CABIN1: variants seen among roughly 807,000 people sequenced by gnomAD.
CABIN1 encodes the protein calcineurin-binding protein cabin-1.
Under a neutral mutation model 227.7 loss-of-function variants are expected in CABIN1, and 133 were observed. The observed-to-expected ratio is 0.58, with a 90% confidence interval of 0.51 to 0.67. CABIN1 has a LOEUF of 0.67. CABIN1 is among the 30% of genes least tolerant of loss of function. The pLI, the probability that CABIN1 is intolerant of heterozygous loss-of-function variation, is 0.00. For missense variants in CABIN1, 2,408 were observed against 2,852.5 expected (o/e 0.84, Z 3.55); for synonymous variants, 1,086 against 1,155.1 (o/e 0.94, Z 1.21).
At chr22:24,115,166 C>T (rs985196070) in intron 27 of CABIN1, among the ~76,000 whole-genome samples, 7 of 152,158 alleles carry the variant, frequency 4.6e-5, no homozygotes, top group Non-Finnish European at 1.0e-4. Flanking sequence ...ACCATGTGTG[C>T]TCTGTGGCCT....
intron 8 of CABIN1, among the ~76,000 whole-genome samples, chr22:24,053,606 T>A (rs775211907): frequency 6.6e-6 from 1 of 152,074 alleles, no homozygotes; most frequent in Non-Finnish European, 1.5e-5. Flanking sequence ...CTCGAACTCC[T>A]GACCTTAGGT....
At chr22:24,109,605 C>G (rs1212686408) in intron 26 of CABIN1, among the ~76,000 whole-genome samples, 1 of 152,126 alleles carries the variant, frequency 6.6e-6, no homozygotes, top group Non-Finnish European at 1.5e-5. Context: ...AAACATGGAC[C>G]AATACCAGGC....
chr22:24,091,837 C>T lies in CABIN1; in HGVS notation c.3780C>T (p.Ala1260=). Residue 1260 remains alanine (A), a synonymous_variant, in exon 24 of 37, where the codon GCC becomes GCT. Transcript: ENST00000263119. ...ACCCACCTGAGCTGGCCATGGAGGC[C>T]CTGGAGGTGACACCATGCTGGCCCA... ...YHNPPELAME[A]LEVYFRLHAS... The T allele has an allele frequency of 3.7e-6, 6 of 1,613,312 alleles. No homozygotes were observed. The highest frequency in any genetic ancestry group is 5.1e-6 in the Non-Finnish European group (6 of 1,179,566).
At chr22:24,156,653 G>C (rs1379111517) in intron 29 of CABIN1, 1 of 152,424 alleles carries the variant, frequency 6.6e-6, no homozygotes, top group Non-Finnish European at 1.5e-5. Flanking sequence ...TGCTGTGCGG[G>C]GACAGGAAGA....
At chr22:24,163,894 A>T (rs1349629340) in intron 29 of CABIN1, among the ~76,000 whole-genome samples, 5 of 152,208 alleles carry the variant, frequency 3.3e-5, no homozygotes, top group Admixed American at 3.3e-4. Flanking sequence ...GGGAAGAGGG[A>T]GGGGGACCCC....
At position 24,133,477 on chromosome 22, in the gene CABIN1, C is replaced by T. The variant is rs546157970; in HGVS notation, c.4633-825C>T. 4.0e-4 allele frequency among the ~76,000 whole-genome samples: 61 copies of T among 152,286 alleles called. 1 individual carries two copies. In the East Asian group the frequency reaches 0.011, roughly 27 times the overall value. ...GGCCTGCGCCCAGCGCTGGGAAAGG[C>T]GAGCAAGGGACCTGAGCGGGAGGGG... is the stretch of plus-strand genomic sequence containing the variant. On this transcript the variant is annotated intron_variant, in intron 28 of 36. Coordinates refer to ENST00000263119, the MANE Select transcript of CABIN1 (RefSeq NM_012295.4).
chr22:24,153,860 T>C (rs1215439682), intron 29 of CABIN1, among the ~76,000 whole-genome samples: 1 of 152,154 alleles, frequency 6.6e-6, no homozygotes, highest in Non-Finnish European at 1.5e-5. Flanking sequence ...TGAGCTCCCC[T>C]CTTCCACCAC....
intron 29 of CABIN1, among the ~76,000 whole-genome samples, chr22:24,152,534 C>T (rs1233414146): frequency 6.6e-6 from 1 of 152,184 alleles, no homozygotes; most frequent in Admixed American, 6.5e-5. Flanking sequence ...AGCCAGTGTC[C>T]CACAGCAGGG....
intron 29 of CABIN1, 99 bp downstream of exon 29, chr22:24,134,514 T>C (rs1180789113): frequency 1.0e-6 from 1 of 977,488 alleles, no homozygotes. Context: ...TCCCAGGGCC[T>C]CAAGTTTGCG....
Position 24,087,674 on chromosome 22 carries a change from G to A in CABIN1, c.3486G>A (p.Lys1162=), listed in dbSNP as rs762406930. ...ALHSFASRQL[K]QWRGELPPEL... ...ACTCATTCGCCTCACGTCAATTGAA[G>A]CAGTGGAGAGGCGAGCTGCCCCCTG... Residue 1162 remains lysine (K), a synonymous_variant, in exon 23 of 37, where the codon AAG becomes AAA. Coordinates refer to ENST00000263119, the MANE Select transcript of CABIN1 (RefSeq NM_012295.4). 3.0e-5 allele frequency: 48 copies of A among 1,614,046 alleles called. No individual in the cohort carries two copies. In the South Asian group the frequency reaches 4.7e-4, roughly 16 times the overall value.
chr22:24,161,714 G>A (rs2046163948), intron 29 of CABIN1, among the ~76,000 whole-genome samples: 1 of 152,162 alleles, frequency 6.6e-6, no homozygotes, highest in Non-Finnish European at 1.5e-5. Context: ...CTCACCCCTG[G>A]CACATTCTCC....
intron 28 of CABIN1, among the ~76,000 whole-genome samples, chr22:24,120,901 G>T (rs1340445357): frequency 1.3e-5 from 2 of 152,244 alleles, no homozygotes; most frequent in African/African-American, 2.4e-5. Flanking sequence ...ATAACGGGGG[G>T]CATAGAGGGG....
chr22:24,034,289 A>T (rs985437594), intron 1 of CABIN1, among the ~76,000 whole-genome samples: 6 of 152,202 alleles, frequency 3.9e-5, no homozygotes, highest in Non-Finnish European at 7.3e-5. Flanking sequence ...CCCCTGCACT[A>T]AACTATTTTC....
rs1272701981 is a variant in CABIN1 at position 24,113,824 on chromosome 22, G to A, written c.4300+76G>A. The A allele has an allele frequency of 4.6e-6, 7 of 1,531,948 alleles. No homozygotes were observed. In the East Asian group the frequency reaches 1.4e-4, roughly 30 times the overall value. 94.9% of individuals were successfully genotyped at this position (1,531,948 alleles called of 1,614,324 possible). On this transcript the variant is annotated intron_variant, in intron 27 of 36. Coordinates refer to ENST00000263119, the MANE Select transcript of CABIN1 (RefSeq NM_012295.4). Reference sequence around the variant, plus strand: ...ATCTGGGCAAAGCCGAAGGCTTCGTGGCCCAGGGACCTTGGCTGGGCAAGT... The same window carrying A: ...ATCTGGGCAAAGCCGAAGGCTTCGTAGCCCAGGGACCTTGGCTGGGCAAGT...
chr22:24,152,458 T>G (rs997608953), intron 29 of CABIN1, among the ~76,000 whole-genome samples: 2 of 152,148 alleles, frequency 1.3e-5, no homozygotes, highest in Non-Finnish European at 2.9e-5. Flanking sequence ...GACTCGGAAC[T>G]GTAAGGCTCA....
At chr22:24,020,858 ATG>A (rs2035671542) in intron 1 of CABIN1, among the ~76,000 whole-genome samples, 1 of 150,978 alleles carries the variant, frequency 6.6e-6, no homozygotes, top group Admixed American at 6.6e-5. Context: ...GTGTGTGTGA[ATG>A]TGCTGTGAGC....
rs2047155318 is a variant in CABIN1, at chr22:24,177,018, T to C, written c.6206-486T>C. Among the ~76,000 whole-genome samples, 1 of 152,208 alleles carries C rather than the reference T, an allele frequency of 6.6e-6. No individual in the cohort carries two copies. The highest frequency in any genetic ancestry group is 1.5e-5 in the Non-Finnish European group (1 of 68,032). On this transcript the variant is annotated intron_variant, in intron 35 of 36. Coordinates refer to ENST00000263119, the MANE Select transcript of CABIN1 (RefSeq NM_012295.4). This position sits in a 1 kb window ranked among gnomAD's most constrained non-coding sequence, Gnocchi z 4.4. ...CCTGCAACTGGCCCAGCCTTCAGGC[T>C]CTGGGCAAACTCAGCCCCTTGCTCC... is the stretch of plus-strand genomic sequence containing the variant.
At chr22:24,144,839 C>G (rs928188404) in intron 29 of CABIN1, among the ~76,000 whole-genome samples, 5 of 152,246 alleles carry the variant, frequency 3.3e-5, no homozygotes, top group African/African-American at 1.2e-4. Flanking sequence ...CTTCCCCAAG[C>G]TTATCTCCAG....
chr22:24,115,398 T>C (rs1223096671), intron 27 of CABIN1, among the ~76,000 whole-genome samples: 1 of 152,176 alleles, frequency 6.6e-6, no homozygotes, highest in Non-Finnish European at 1.5e-5. Context: ...GGGCTGGCCA[T>C]TGGTGAAGAA....
Sources: allele counts gnomAD v4.1 joint callset (sites outside exome capture counted in the v4.1 genomes callset), GRCh38; gene constraint gnomAD v4.1.1; non-coding constraint Gnocchi (gnomAD v3.1); transcripts MANE v1.5; gene names NCBI Gene and HGNC (gene_info 2026-07-23, HGNC 2026-07-21).